The following HTT variants were observed in gnomAD, a reference collection of about 807,000 sequenced individuals.
HTT encodes the protein huntington disease protein.
Under a neutral mutation model 362.3 loss-of-function variants are expected in HTT, and 104 were observed. The ratio of observed to expected loss-of-function variants is 0.29; its 90% CI spans 0.24 to 0.34. HTT has a LOEUF of 0.34. Among genes scored for constraint, HTT ranks in the 10% least tolerant of loss-of-function variants. The pLI is 1.00. For synonymous variants in HTT, 1,577 were observed against 1,548.7 expected (o/e 1.02, Z -0.43); for missense variants, 3,301 against 3,928.6 (o/e 0.84, Z 4.27).
chr4:3,235,187 C>T lies in HTT; in HGVS notation c.8457-97C>T, dbSNP rs904669406. On this transcript the variant is annotated intron_variant, in intron 61 of 66. Coordinates refer to ENST00000355072, the MANE Select transcript of HTT (RefSeq NM_001388492.1). ...GGCGCTCCCGGGAGCCCGCCTGGCC[C>T]ATAGCTCTACACTCCCGCGTGGGGC... The T allele has an allele frequency of 1.9e-5, 17 of 897,014 alleles. No individual in the cohort carries two copies. The African/African-American group carries it at 2.1e-4, about 11-fold the overall frequency. 55.6% of individuals were successfully genotyped at this position (897,014 alleles called of 1,614,324 possible).
intron 57 of HTT, among the ~76,000 whole-genome samples, chr4:3,226,050 C>T (rs1006530289): frequency 9.2e-5 from 14 of 152,060 alleles, no homozygotes; most frequent in South Asian, 2.1e-4. Context: ...AAGCAAGGAC[C>T]GTGAGACACA....
At position 3,180,524 on chromosome 4, in the gene HTT, C is replaced by T; in HGVS notation, c.4622C>T (p.Ala1541Val). ...GRKAVTHAIP[A>V]LQPIVHDLFV... ...CCTTTTGTCCCCACAGCCATACCGGCTCTGCAGCCCATAGTCCACGACCTC... is the reference window on the plus strand; with the variant it reads ...CCTTTTGTCCCCACAGCCATACCGGTTCTGCAGCCCATAGTCCACGACCTC... Residue 1541 changes from alanine to valine, a missense_variant, in exon 36 of 67, where the codon GCT (alanine) becomes GTT (valine). Ala to Val is a moderately conservative substitution (Grantham distance 64). Coordinates refer to ENST00000355072, the MANE Select transcript of HTT (RefSeq NM_001388492.1). 1 of 1,603,654 alleles carries T rather than the reference C, an allele frequency of 6.2e-7. No homozygotes were observed. Among genetic ancestry groups the T allele is most frequent in the Non-Finnish European group, 8.5e-7 (1 of 1,175,242 alleles).
At chr4:3,212,477 G>C in intron 48 of HTT, 87 bp from the exon 49 acceptor site, 5 of 1,487,786 alleles carry the variant, frequency 3.4e-6, no homozygotes, top group Non-Finnish European at 3.7e-6. Flanking sequence ...GCTTTCATCA[G>C]ATTCTCAGAG....
chr4:3,168,257 A>G (rs538271315), intron 29 of HTT, among the ~76,000 whole-genome samples: 3 of 152,306 alleles, frequency 2.0e-5, no homozygotes, highest in Admixed American at 6.5e-5. Flanking sequence ...GACCTTGCTT[A>G]GGTGAAGGCA....
chr4:3,105,653 G>C (rs776448307), intron 5 of HTT, among the ~76,000 whole-genome samples: 5 of 152,060 alleles, frequency 3.3e-5, no homozygotes, highest in Non-Finnish European at 5.9e-5. Flanking sequence ...CCACCCTTCC[G>C]CAAGAGACTT....
At chr4:3,101,780 G>A (rs1714171191) in intron 3 of HTT, among the ~76,000 whole-genome samples, 1 of 152,202 alleles carries the variant, frequency 6.6e-6, no homozygotes, top group South Asian at 2.1e-4. Flanking sequence ...TTCATATGTG[G>A]CATAAAGTCT....
At chr4:3,207,094 T>C in intron 44 of HTT, 111 bp downstream of exon 44, 1 of 1,187,228 alleles carries the variant, frequency 8.4e-7, no homozygotes, top group Non-Finnish European at 1.2e-6. Flanking sequence ...TGGTCACCGA[T>C]AGAAACATGG....
rs749419253 is a variant in HTT, at chr4:3,209,811, A to G, written c.6292-16A>G. On this transcript the variant is annotated splice_polypyrimidine_tract_variant and intron_variant, in intron 46 of 66. Transcript: ENST00000355072. ...GCCGCCCATCATGTTCCCCTTATCC[A>G]TTTTTTTCTTCCCAGGACTGGTACG... 6.2e-7 allele frequency: 1 copy of G among 1,612,794 alleles called. No homozygotes were observed. The highest frequency in any genetic ancestry group is 8.5e-7 in the Non-Finnish European group (1 of 1,179,408).
At position 3,243,798 on chromosome 4, in the gene HTT, T is replaced by G. The variant is rs1022895090; in HGVS notation, c.*3739T>G. 1 of 152,200 alleles carries G rather than the reference T, an allele frequency of 6.6e-6. No individual in the cohort carries two copies. Among genetic ancestry groups the G allele is most frequent in the Non-Finnish European group, 1.5e-5 (1 of 68,050 alleles). 9.4% of individuals were successfully genotyped at this position (152,200 alleles called of 1,614,324 possible). A position where few individuals can be genotyped will look rare whatever the true frequency, so the allele number is the denominator to read the frequency against. On this transcript the variant is annotated 3_prime_UTR_variant, in exon 67 of 67. Transcript: ENST00000355072. ...GAGGGACTGTCAGCTGAGCTTGAGC[T>G]CCCCTGGAGCCAGCAGGGCTGTGAT...
At chr4:3,089,355 G>A (rs778230010) in intron 2 of HTT, among the ~76,000 whole-genome samples, 33 of 152,138 alleles carry the variant, frequency 2.2e-4, no homozygotes, top group Middle Eastern at 3.4e-3. Flanking sequence ...CCGGGTTCAC[G>A]CTATTCTCCT....
Position 3,074,750 on chromosome 4 carries a change from C to T in HTT, c.-76C>T, listed in dbSNP as rs1033756607. 4.9e-6 allele frequency: 7 copies of T among 1,441,024 alleles called. No individual in the cohort carries two copies. Among genetic ancestry groups the T allele is most frequent in the Admixed American group, 4.4e-5 (2 of 45,576 alleles). The allele number at this position is 1,441,024 out of a possible 1,614,324, so 89.3% of individuals were successfully genotyped here. On this transcript the variant is annotated 5_prime_UTR_variant, in exon 1 of 67. Transcript: ENST00000355072. ...TTTACCTGCGGCCCAGAGCCCCATT[C>T]ATTGCCCCGGTGCTGAGCGGCGCCG...
intron 29 of HTT, among the ~76,000 whole-genome samples, chr4:3,162,260 C>A (rs1717482414): frequency 6.6e-6 from 1 of 152,158 alleles, no homozygotes; most frequent in Admixed American, 6.5e-5. Flanking sequence ...TCTGAGGCCT[C>A]TGTTCTGTTC....
chr4:3,178,841 C>G (rs1392542629), intron 35 of HTT, among the ~76,000 whole-genome samples: 1 of 152,194 alleles, frequency 6.6e-6, no homozygotes, highest in Non-Finnish European at 1.5e-5. Flanking sequence ...GATCTCTCAT[C>G]CAGTGGTATT....
intron 19 of HTT, 140 bp from the exon 20 acceptor site, chr4:3,135,764 T>G: frequency 3.9e-6 from 2 of 513,392 alleles, no homozygotes. Context: ...TTTAAAGCCA[T>G]TGGCCTTTTT....
chr4:3,147,007 G>A, intron 25 of HTT, 59 bp downstream of exon 25: 3 of 1,539,240 alleles, frequency 1.9e-6, no homozygotes, highest in Non-Finnish European at 1.8e-6. Flanking sequence ...TCCTTAGGGG[G>A]AATGGGGGTG....
At position 3,228,166 on chromosome 4, in the gene HTT, G is replaced by T. The variant is rs57346236; in HGVS notation, c.7849-449G>T. Among the ~76,000 whole-genome samples, 1 of 152,180 alleles carries T rather than the reference G, an allele frequency of 6.6e-6. No individual in the cohort carries two copies. The highest frequency in any genetic ancestry group is 2.4e-5 in the African/African-American group (1 of 41,436). On this transcript the variant is annotated intron_variant, in intron 57 of 66. Transcript: ENST00000355072. This position sits in a 1 kb window ranked among gnomAD's most constrained non-coding sequence, Gnocchi z 4.3. ...AGGACAGTCGAGGTGTGCTGACTGCGTGGTGGCTGCGTGATCTAGAGCGCG... is the reference window on the plus strand; with the variant it reads ...AGGACAGTCGAGGTGTGCTGACTGCTTGGTGGCTGCGTGATCTAGAGCGCG...
rs186612411 is a variant in HTT at position 3,195,412 on chromosome 4, T to C, written c.5369-4320T>C. On this transcript the variant is annotated intron_variant, in intron 40 of 66. Coordinates refer to ENST00000355072, the MANE Select transcript of HTT (RefSeq NM_001388492.1). ...CTCTGGGTGCAGCCTGCATCCGCCTTCCTGCCCGCCTCCTTTCCTGCACTG... is the reference window on the plus strand; with the variant it reads ...CTCTGGGTGCAGCCTGCATCCGCCTCCCTGCCCGCCTCCTTTCCTGCACTG... Among the ~76,000 whole-genome samples the C allele has an allele frequency of 4.0e-3, 612 of 152,272 alleles. 6 individuals carry two copies. The highest frequency in any genetic ancestry group is 0.014 in the African/African-American group (570 of 41,550).
intron 40 of HTT, among the ~76,000 whole-genome samples, chr4:3,191,002 G>C (rs989986621): frequency 1.3e-5 from 2 of 152,136 alleles, no homozygotes; most frequent in African/African-American, 4.8e-5. Context: ...TTCAGCAGTT[G>C]ATCTGTTGGA....
intron 1 of HTT, among the ~76,000 whole-genome samples, chr4:3,084,756 G>C (rs929277403): frequency 1.3e-5 from 2 of 151,680 alleles, no homozygotes; most frequent in African/African-American, 4.8e-5. Context: ...GCTCACACCT[G>C]TAATCCCAGC....
Sources: gnomAD v4.1 joint callset for allele counts (sites outside exome capture counted in the v4.1 genomes callset) on GRCh38, gnomAD v4.1.1 for gene constraint, Gnocchi (gnomAD v3.1) non-coding constraint, MANE v1.5 for transcripts, NCBI Gene and HGNC (gene_info 2026-07-23, HGNC 2026-07-21) for gene names.